Variants in LHFPL2 observed in about 807,000 individuals in gnomAD.
LHFPL2 encodes LHFPL tetraspan subfamily member 2.
Under a neutral mutation model 17.5 loss-of-function variants are expected in LHFPL2, and 7 were observed. The ratio of observed to expected loss-of-function variants is 0.40; its 90% CI spans 0.23 to 0.75. The LOEUF is 0.75. Ranked by LOEUF, LHFPL2 falls within the 30% of genes least tolerant of loss-of-function variation. The pLI is 0.37. For synonymous variants in LHFPL2, 134 were observed against 116.2 expected (o/e 1.15, Z -0.99); for missense variants, 241 against 294.8 (o/e 0.82, Z 1.34).
chr5:78,607,017 G>T (rs1046900761), intron 2 of LHFPL2, among the ~76,000 whole-genome samples: 1 of 152,088 alleles, frequency 6.6e-6, no homozygotes, highest in African/African-American at 2.4e-5. Context: ...GATTTGCCTT[G>T]CAGCCTAAGT....
rs536838796 is a variant in LHFPL2 at position 78,634,448 on chromosome 5, T to C, written c.-349-2080A>G. Among the ~76,000 whole-genome samples, 164 of 152,338 alleles carry C rather than the reference T, an allele frequency of 1.1e-3. 2 individuals are homozygous for C. In the South Asian group the frequency reaches 0.032, roughly 30 times the overall value. ...CACCCCAGGTTTGGGCAGCACACTG[T>C]GTTTGCATGCTGCAGCTCTCTGGCT... On this transcript the variant is annotated intron_variant, in intron 1 of 4. Transcript: ENST00000380345.
chr5:78,547,014 TAAA>T (rs369689330), intron 3 of LHFPL2, among the ~76,000 whole-genome samples: 1 of 137,646 alleles, frequency 7.3e-6, no homozygotes. Context: ...ACTGTACTGG[TAAA>T]AAAAAAAAAA....
chr5:78,533,638 G>T (rs1755853061), intron 3 of LHFPL2, among the ~76,000 whole-genome samples: 1 of 152,148 alleles, frequency 6.6e-6, no homozygotes, highest in Non-Finnish European at 1.5e-5. Flanking sequence ...CAGAAGAAAA[G>T]CAAGCATCAT....
At chr5:78,491,614 T>TGTTAATA (rs1303245071) in intron 4 of LHFPL2, among the ~76,000 whole-genome samples, 4 of 152,234 alleles carry the variant, frequency 2.6e-5, no homozygotes, top group Non-Finnish European at 4.4e-5. Context: ...GAGGTGATTC[T>TGTTAATA]GTTAATAGTT....
chr5:78,514,738 C>T (rs779387866), intron 3 of LHFPL2, among the ~76,000 whole-genome samples: 1 of 152,158 alleles, frequency 6.6e-6, no homozygotes, highest in Non-Finnish European at 1.5e-5. Flanking sequence ...CTCTCACTCC[C>T]CACCCTGATG....
rs202056268 is a variant in LHFPL2 at position 78,510,064 on chromosome 5, G to A, written c.150C>T (p.Gly50=). 1.0e-4 allele frequency: 162 copies of A among 1,610,226 alleles called. 2 individuals are homozygous for A. The East Asian group carries it at 3.4e-3, about 34-fold the overall frequency. Residue 50 remains glycine, a synonymous_variant, in exon 4 of 5, where the codon GGC becomes GGT. Transcript: ENST00000380345. ...GGTGGTAGGGCTCCGGGGAGCCCCC[G>A]CCCGGGCCCGCCGGCTCCACGCCGC... The part of the protein sequence containing the change: ...SRGGVEPAGP[G]GGSPEPYHPT...
intron 3 of LHFPL2, among the ~76,000 whole-genome samples, chr5:78,520,443 C>T (rs1755419285): frequency 6.6e-6 from 1 of 152,210 alleles, no homozygotes. Flanking sequence ...CTTTCAGCTC[C>T]AAAAGTCAGT....
chr5:78,535,561 G>GC (rs1406939756), intron 3 of LHFPL2, among the ~76,000 whole-genome samples: 1 of 152,132 alleles, frequency 6.6e-6, no homozygotes, highest in Non-Finnish European at 1.5e-5. Flanking sequence ...GAGAGAGAAG[G>GC]CCCCTCCCTC....
Position 78,488,361 on chromosome 5 carries a change from G to C in LHFPL2, c.*536C>G, listed in dbSNP as rs1159071813. On this transcript the variant is annotated 3_prime_UTR_variant, in exon 5 of 5. Transcript: ENST00000380345. ...CCACGCCATCCCTGCTGACCCCTTT[G>C]GTCAGCTAAGCAAAAGACAGTGTCT... The C allele has an allele frequency of 6.1e-6, 1 of 164,826 alleles. No homozygotes were observed. The highest frequency in any genetic ancestry group is 1.3e-5 in the Non-Finnish European group (1 of 74,466). The allele number at this position is 164,826 out of a possible 1,614,324, so 10.2% of individuals were successfully genotyped here.
chr5:78,627,016 G>T (rs1394556988), intron 2 of LHFPL2, among the ~76,000 whole-genome samples: 2 of 152,138 alleles, frequency 1.3e-5, no homozygotes, highest in African/African-American at 4.8e-5. Flanking sequence ...GGGAGGCAGA[G>T]GTTGCAGTGA....
chr5:78,633,873 C>A (rs1214306135), intron 1 of LHFPL2, among the ~76,000 whole-genome samples: 1 of 152,138 alleles, frequency 6.6e-6, no homozygotes, highest in Non-Finnish European at 1.5e-5. Flanking sequence ...GACATTTCTC[C>A]TCCCACCTAG....
In LHFPL2 at chr5:78,531,669, C is replaced by T. The variant is rs566289288; in HGVS notation, c.-185-21271G>A. Among the ~76,000 whole-genome samples the T allele has an allele frequency of 8.5e-5, 13 of 152,190 alleles. No individual in the cohort carries two copies. In the South Asian group the frequency reaches 2.1e-3, roughly 24 times the overall value. ...CTACTTGATGGGGTAGCAATGGGCCCGGCTCAAAAGCCTACATTTCTCAAC... is the reference window on the plus strand; with the variant it reads ...CTACTTGATGGGGTAGCAATGGGCCTGGCTCAAAAGCCTACATTTCTCAAC... On this transcript the variant is annotated intron_variant, in intron 3 of 4. Coordinates refer to ENST00000380345, the MANE Select transcript of LHFPL2 (RefSeq NM_005779.3).
At chr5:78,533,528 C>A (rs144996460) in intron 3 of LHFPL2, among the ~76,000 whole-genome samples, 1 of 152,310 alleles carries the variant, frequency 6.6e-6, no homozygotes, top group East Asian at 1.9e-4. Context: ...GCTCTTCTAT[C>A]ACCTTGAATG....
At chr5:78,583,249 G>C (rs990736630) in intron 2 of LHFPL2, among the ~76,000 whole-genome samples, 1 of 151,714 alleles carries the variant, frequency 6.6e-6, no homozygotes, top group Non-Finnish European at 1.5e-5. Context: ...TTGCCAGTCT[G>C]TGTCTTTTAA....
rs758228263 is a variant in LHFPL2 at position 78,510,227 on chromosome 5, G to A, written c.-14C>T. ...GACATGACACATATTGATGTTCCGG[G>A]CGAAGAAAGAGTCAGGAGTCCACGG... On this transcript the variant is annotated 5_prime_UTR_variant, in exon 4 of 5. Coordinates refer to ENST00000380345, the MANE Select transcript of LHFPL2 (RefSeq NM_005779.3). The A allele has an allele frequency of 5.7e-6, 9 of 1,568,088 alleles. No homozygotes were observed. The South Asian group carries it at 6.9e-5, about 12-fold the overall frequency.
At chr5:78,599,475 AT>A (rs34830490) in intron 2 of LHFPL2, among the ~76,000 whole-genome samples, 8,827 of 143,240 alleles carry the variant, frequency 0.062, 472 homozygotes, top group African/African-American at 0.15. Context: ...AATTTTTTGT[AT>A]TTTTTTTTTT....
At position 78,520,572 on chromosome 5, in the gene LHFPL2, G is replaced by A. The variant is rs558086836; in HGVS notation, c.-185-10174C>T. 2.9e-4 allele frequency among the ~76,000 whole-genome samples: 44 copies of A among 152,316 alleles called. 1 individual carries two copies. Among genetic ancestry groups the A allele is most frequent in the Admixed American group, 2.2e-3 (34 of 15,306 alleles). On this transcript the variant is annotated intron_variant, in intron 3 of 4. Coordinates refer to ENST00000380345, the MANE Select transcript of LHFPL2 (RefSeq NM_005779.3). Reference sequence around the variant, plus strand: ...GGAGGTCTCTGGTTGGAAGGGAGACGGGGAGACCCCACAGGTTACCAGGAA... The same window carrying A: ...GGAGGTCTCTGGTTGGAAGGGAGACAGGGAGACCCCACAGGTTACCAGGAA...
At chr5:78,524,686 G>T (rs1209292131) in intron 3 of LHFPL2, among the ~76,000 whole-genome samples, 7 of 148,128 alleles carry the variant, frequency 4.7e-5, no homozygotes, top group African/African-American at 1.8e-4. Flanking sequence ...AGTTTGCAGT[G>T]AGCCAAGATT....
intron 3 of LHFPL2, among the ~76,000 whole-genome samples, chr5:78,526,374 C>T (rs566108718): frequency 1.3e-5 from 2 of 152,248 alleles, no homozygotes; most frequent in South Asian, 2.1e-4. Flanking sequence ...TGACTCATAG[C>T]GAATGCAACA....
Sources: gnomAD v4.1 joint callset for allele counts (sites outside exome capture counted in the v4.1 genomes callset) on GRCh38, gnomAD v4.1.1 for gene constraint, MANE v1.5 for transcripts, NCBI Gene and HGNC (gene_info 2026-07-23, HGNC 2026-07-21) for gene names.